SIPA1L1: variants seen among roughly 807,000 people sequenced by gnomAD.
SIPA1L1 encodes signal induced proliferation associated 1 like 1.
Under a neutral mutation model 162.7 loss-of-function variants are expected in SIPA1L1, and 26 were observed. The ratio of observed to expected loss-of-function variants is 0.16; its 90% CI spans 0.12 to 0.22. The LOEUF (loss-of-function observed/expected upper bound fraction) is 0.22. Among genes scored for constraint, SIPA1L1 ranks in the 10% least tolerant of loss-of-function variants. The pLI is 1.00. For missense variants in SIPA1L1, 1,874 were observed against 2,241.0 expected (o/e 0.84, Z 3.31); for synonymous variants, 829 against 837.4 (o/e 0.99, Z 0.17).
At chr14:71,400,110 C>T (rs1295829879) in intron 2 of SIPA1L1, among the ~76,000 whole-genome samples, 1 of 152,160 alleles carries the variant, frequency 6.6e-6, no homozygotes, top group Non-Finnish European at 1.5e-5. Flanking sequence ...CAGGCATCAG[C>T]TGAGGTACCA....
intron 4 of SIPA1L1, among the ~76,000 whole-genome samples, chr14:71,547,359 T>G (rs992707287): frequency 1.3e-5 from 2 of 148,426 alleles, no homozygotes. Flanking sequence ...AGTGGCATGA[T>G]CTCGGCTTAC....
chr14:71,510,174 C>G (rs866665458), intron 2 of SIPA1L1, among the ~76,000 whole-genome samples: 2 of 145,026 alleles, frequency 1.4e-5, no homozygotes, highest in African/African-American at 5.1e-5. Context: ...TAATCCCCCC[C>G]ACCTTTTTTT....
intron 4 of SIPA1L1, among the ~76,000 whole-genome samples, chr14:71,567,171 A>G (rs2030822080): frequency 1.3e-5 from 2 of 152,204 alleles, no homozygotes; most frequent in Admixed American, 1.3e-4. Flanking sequence ...GAGTTGTAAA[A>G]TTGTTACAAC....
At chr14:71,395,610 A>G (rs1595207512) in intron 2 of SIPA1L1, among the ~76,000 whole-genome samples, 1 of 152,102 alleles carries the variant, frequency 6.6e-6, no homozygotes, top group South Asian at 2.1e-4. Context: ...GCAGTGAGCT[A>G]TGATTGCTCT....
rs2044528429 is a variant in SIPA1L1, at chr14:71,671,683, A to G, written c.2820A>G (p.Lys940=). ...INIEEIKEIV[K]RLQFVSKGCE... ...TTGAGGAGATCAAAGAGATTGTCAA[A>G]AGGTTGCAGGTGAGTCTCTCCTTCC... The change falls in exon 11 of 24, where the codon AAA becomes AAG. Residue 940 remains lysine, a synonymous_variant. Coordinates refer to ENST00000381232, the MANE Select transcript of SIPA1L1 (RefSeq NM_001386936.1). 2 of 1,594,370 alleles carry G rather than the reference A, an allele frequency of 1.3e-6. No homozygotes were observed. The highest frequency in any genetic ancestry group is 2.7e-5 in the African/African-American group (2 of 74,140).
chr14:71,453,385 TCCTAAATAGCTAGGACTG>T (rs1304757909), intron 2 of SIPA1L1, among the ~76,000 whole-genome samples: 3 of 152,154 alleles, frequency 2.0e-5, no homozygotes, highest in African/African-American at 7.2e-5. Context: ...CACCTCAGCC[TCCTAAATAGCTAGGACTG>T]CAGGTGTGTG....
intron 2 of SIPA1L1, among the ~76,000 whole-genome samples, chr14:71,441,106 A>C (rs2044817532): frequency 2.0e-5 from 3 of 152,210 alleles, no homozygotes; most frequent in Non-Finnish European, 4.4e-5. Flanking sequence ...TGATGGTATA[A>C]ATTTTCAGCA....
intron 8 of SIPA1L1, among the ~76,000 whole-genome samples, chr14:71,657,345 C>CAAAA (rs561713864): frequency 3.4e-5 from 3 of 88,176 alleles, no homozygotes; most frequent in East Asian, 2.8e-4. Context: ...GAGACTGTCT[C>CAAAA]AAAAAAAAAA....
intron 22 of SIPA1L1, among the ~76,000 whole-genome samples, chr14:71,735,939 G>T (rs904867555): frequency 2.0e-5 from 3 of 152,248 alleles, no homozygotes; most frequent in Non-Finnish European, 4.4e-5. Context: ...TATTTATGCA[G>T]AGACCGACTT....
At chr14:71,427,181 G>T (rs2043629300) in intron 2 of SIPA1L1, among the ~76,000 whole-genome samples, 1 of 150,468 alleles carries the variant, frequency 6.6e-6, no homozygotes, top group Non-Finnish European at 1.5e-5. Context: ...TACCCTGCAG[G>T]GACTTCTTTT....
chr14:71,719,797 TG>T (rs2083554892), intron 17 of SIPA1L1, among the ~76,000 whole-genome samples: 2 of 152,160 alleles, frequency 1.3e-5, no homozygotes, highest in South Asian at 4.1e-4. Flanking sequence ...TGGCCTATTG[TG>T]GGACTTTTTA....
chr14:71,413,154 C>G (rs1183631316), intron 2 of SIPA1L1, among the ~76,000 whole-genome samples: 1 of 152,138 alleles, frequency 6.6e-6, no homozygotes, highest in South Asian at 2.1e-4. Flanking sequence ...GTGCCCACCC[C>G]CCACTTCACT....
At chr14:71,363,716 A>T (rs371501752) in intron 2 of SIPA1L1, among the ~76,000 whole-genome samples, 2 of 152,250 alleles carry the variant, frequency 1.3e-5, no homozygotes, top group African/African-American at 4.8e-5. Flanking sequence ...GATGACTCCT[A>T]TAGCAGATTT....
chr14:71,353,490 C>A (rs1356379465), intron 2 of SIPA1L1, among the ~76,000 whole-genome samples: 1 of 152,166 alleles, frequency 6.6e-6, no homozygotes, highest in Admixed American at 6.5e-5. Context: ...TGAAGAATTT[C>A]CTCTCACTGA....
intron 2 of SIPA1L1, among the ~76,000 whole-genome samples, chr14:71,507,550 C>A (rs763352210): frequency 6.6e-6 from 1 of 152,076 alleles, no homozygotes; most frequent in African/African-American, 2.4e-5. Flanking sequence ...GCTGGAGTGT[C>A]ACAACTGAAT....
intron 2 of SIPA1L1, among the ~76,000 whole-genome samples, chr14:71,510,053 A>G (rs888320919): frequency 6.6e-6 from 1 of 152,158 alleles, no homozygotes; most frequent in African/African-American, 2.4e-5. Context: ...AGCTCAGTTC[A>G]AAACAGTGGC....
chr14:71,671,816 G>A, intron 11 of SIPA1L1, 124 bp downstream of exon 11: 4 of 698,872 alleles, frequency 5.7e-6, no homozygotes, highest in South Asian at 2.0e-5. Context: ...CCCTTGATGT[G>A]TGAAGCAAAC....
chr14:71,599,147 CT>C lies in SIPA1L1; in HGVS notation c.1498+9797del, dbSNP rs35037397. 4.0e-3 allele frequency among the ~76,000 whole-genome samples: 424 copies of C among 106,154 alleles called. 1 individual carries two copies. Among genetic ancestry groups the C allele is most frequent in the Middle Eastern group, 0.013 (2 of 158 alleles). 69.6% of individuals were successfully genotyped at this position (106,154 alleles called of 152,430 possible). On this transcript the variant is annotated intron_variant, in intron 5 of 23. Coordinates refer to ENST00000381232, the MANE Select transcript of SIPA1L1 (RefSeq NM_001386936.1). ...TTGCTGCAAATGACATGATTTCATT[CT>C]TTTTTTTTTTTTTTTTTTTGAGATG... is the stretch of plus-strand genomic sequence containing the variant.
intron 17 of SIPA1L1, 145 bp from the exon 18 acceptor site, chr14:71,723,502 A>G: frequency 1.2e-6 from 1 of 835,810 alleles, no homozygotes; most frequent in Non-Finnish European, 1.9e-6. Context: ...TGAGAAAGCC[A>G]GGAAGGCCAG....
Sources: gnomAD v4.1 joint callset for allele counts (sites outside exome capture counted in the v4.1 genomes callset) on GRCh38, gnomAD v4.1.1 for gene constraint, MANE v1.5 for transcripts, NCBI Gene and HGNC (gene_info 2026-07-23, HGNC 2026-07-21) for gene names.